The following USH1C variants were observed in gnomAD, a reference collection of about 807,000 sequenced individuals.
USH1C encodes harmonin.
In USH1C, 90 loss-of-function variants were observed where a neutral mutation model predicts 119.3. The ratio of observed to expected loss-of-function variants is 0.75; its 90% CI spans 0.64 to 0.90. The LOEUF is 0.90. Among genes scored for constraint, USH1C ranks in the 40% least tolerant of loss-of-function variants. The pLI is 0.00. For synonymous variants in USH1C, 465 were observed against 443.3 expected (o/e 1.05, Z -0.62); for missense variants, 1,165 against 1,167.7 (o/e 1.00, Z 0.03).
In USH1C at chr11:17,531,414, G is replaced by A. The variant is rs759581780; in HGVS notation, c.233C>T (p.Thr78Ile). Reference sequence around the variant, plus strand: ...TCCTCTGCACCTGGAGCGCCGGGGGGTCAGCTGATCATATTCCACCTGGTG... The same window carrying A: ...TCCTCTGCACCTGGAGCGCCGGGGGATCAGCTGATCATATTCCACCTGGTG... The part of the protein sequence containing the change: ...LKHQVEYDQL[T>I]PRRSRKLKEV... The change falls in exon 3 of 27, where the codon ACC becomes ATC. Residue 78 changes from threonine (T) to isoleucine (I), a missense_variant. Physicochemically the swap from Thr to Ile is moderately conservative, Grantham distance 89. Transcript: ENST00000005226. This position sits in a 1 kb window ranked among gnomAD's most constrained non-coding sequence, Gnocchi z 4.2. 2.5e-6 allele frequency: 4 copies of A among 1,613,922 alleles called. No homozygotes were observed. The South Asian group carries it at 3.3e-5, about 13-fold the overall frequency.
intron 25 of USH1C, 116 bp from the exon 26 acceptor site, chr11:17,495,793 G>A: frequency 8.7e-7 from 1 of 1,146,768 alleles, no homozygotes; most frequent in Non-Finnish European, 1.3e-6. Context: ...TAGCCCCTGG[G>A]TTCCAGAATT....
chr11:17,544,197 CG>C (rs1214111182), intron 1 of USH1C, 74 bp downstream of exon 1: 1 of 1,583,732 alleles, frequency 6.3e-7, no homozygotes, highest in African/African-American at 1.3e-5. Context: ...GGGGCAGTGC[CG>C]GGGTGTCCAC....
chr11:17,517,322 G>T, intron 14 of USH1C: 1 of 1,421,576 alleles, frequency 7.0e-7, no homozygotes, highest in Non-Finnish European at 9.7e-7. Flanking sequence ...CTGAAGCTGG[G>T]TGTCTGCACT....
chr11:17,511,868 G>A (rs1203886736), intron 16 of USH1C, 34 bp downstream of exon 16: 3 of 1,601,164 alleles, frequency 1.9e-6, no homozygotes, highest in African/African-American at 2.7e-5. Flanking sequence ...TGTGTCCCAG[G>A]GTTGCTTGCC....
chr11:17,496,826 G>A lies in USH1C; in HGVS notation c.2491-13C>T. ...GGTCGATCCAGTCCTGTGGGGAGAA[G>A]CCGTGTGACTCTGGGGCACACTCAG... On this transcript the variant is annotated splice_polypyrimidine_tract_variant and intron_variant, in intron 24 of 26. Transcript: ENST00000005226. 6.2e-7 allele frequency: 1 copy of A among 1,614,118 alleles called. No homozygotes were observed. Among genetic ancestry groups the A allele is most frequent in the Non-Finnish European group, 8.5e-7 (1 of 1,179,948 alleles).
intron 18 of USH1C, 151 bp downstream of exon 18, chr11:17,509,205 A>G: frequency 9.1e-7 from 1 of 1,103,864 alleles, no homozygotes; most frequent in African/African-American, 1.6e-5. Flanking sequence ...CAGGATGTCC[A>G]CACATGCACA....
chr11:17,504,603 G>C (rs748807658), intron 20 of USH1C, 44 bp downstream of exon 20: 6 of 1,605,206 alleles, frequency 3.7e-6, no homozygotes, highest in Non-Finnish European at 4.3e-6. Flanking sequence ...GGAGGGACGG[G>C]GGTGGTGGGG....
At chr11:17,530,564 A>G (rs1850916964) in intron 4 of USH1C, among the ~76,000 whole-genome samples, 1 of 152,250 alleles carries the variant, frequency 6.6e-6, no homozygotes, top group Non-Finnish European at 1.5e-5. Context: ...GGCTCACAGC[A>G]TTTGTATGCC....
intron 4 of USH1C, among the ~76,000 whole-genome samples, chr11:17,530,573 C>T (rs1230412695): frequency 6.6e-6 from 1 of 152,214 alleles, no homozygotes; most frequent in Admixed American, 6.5e-5. Flanking sequence ...CATTTGTATG[C>T]CAGGCCCTGC....
At chr11:17,532,558 T>G (rs1001834233) in intron 2 of USH1C, among the ~76,000 whole-genome samples, 2 of 152,136 alleles carry the variant, frequency 1.3e-5, no homozygotes, top group African/African-American at 4.8e-5. Flanking sequence ...CCTCAGCTTC[T>G]CAAAGTTCTG....
intron 20 of USH1C, 128 bp from the exon 21 acceptor site, chr11:17,502,108 C>T: frequency 1.1e-6 from 1 of 926,846 alleles, no homozygotes; most frequent in Non-Finnish European, 1.6e-6. Flanking sequence ...GAAGGCACGG[C>T]CAGGGTACGG....
At chr11:17,520,455 T>G (rs946928637) in intron 14 of USH1C, among the ~76,000 whole-genome samples, 1 of 152,130 alleles carries the variant, frequency 6.6e-6, no homozygotes, top group African/African-American at 2.4e-5. Context: ...AGAGCCCTTC[T>G]CTGATGTGAG....
chr11:17,503,071 C>G (rs933286549), intron 20 of USH1C, among the ~76,000 whole-genome samples: 1 of 152,186 alleles, frequency 6.6e-6, no homozygotes, highest in Admixed American at 6.5e-5. Flanking sequence ...GCAGACAGAT[C>G]CCCAAGCATC....
At position 17,520,908 on chromosome 11, in the gene USH1C, G is replaced by T; in HGVS notation, c.1172C>A (p.Thr391Asn). Residue 391 changes from threonine (T) to asparagine (N), a missense_variant, in exon 14 of 27, where the codon ACT becomes AAT. Physicochemically the swap from Thr to Asn is moderately conservative, Grantham distance 65 (BLOSUM62 0). Transcript: ENST00000005226. ...AAGGGGTACTGGGTGTACCTCAGCAGTGATGGTTTTAGGCAAGAGTAGCTG... is the reference window on the plus strand; with the variant it reads ...AAGGGGTACTGGGTGTACCTCAGCATTGATGGTTTTAGGCAAGAGTAGCTG... ...KEQLLLPKTI[T>N]AEVHPVPLRK... is the part of the protein sequence containing the mutation. 1 of 1,614,168 alleles carries T rather than the reference G, an allele frequency of 6.2e-7. No homozygotes were observed. Among genetic ancestry groups the T allele is most frequent in the East Asian group, 2.2e-5 (1 of 44,874 alleles).
chr11:17,530,187 A>T (rs2133913394), intron 4 of USH1C, among the ~76,000 whole-genome samples: 1 of 152,288 alleles, frequency 6.6e-6, no homozygotes, highest in Admixed American at 6.5e-5. Context: ...TGGGATGTTG[A>T]TAACAAACCC....
Position 17,509,639 on chromosome 11 carries a change from G to C in USH1C, c.1730C>G (p.Pro577Arg). The stretch of plus-strand genomic sequence containing the variant: ...AGATAAGGGAAGGACAGGGGGCGCC[G>C]GGACCTTGTGGGGTGGGTTGGAGGG... ...PPPSNPPHKV[P>R]APPVLPLSGH... The change falls in exon 18 of 27, where the codon CCG (proline) becomes CGG (arginine). Residue 577 changes from proline to arginine, a missense_variant. Physicochemically the swap from Pro to Arg is moderately radical, Grantham distance 103. Transcript: ENST00000005226. 1 of 1,592,322 alleles carries C rather than the reference G, an allele frequency of 6.3e-7. No homozygotes were observed. Among genetic ancestry groups the C allele is most frequent in the Non-Finnish European group, 8.5e-7 (1 of 1,174,364 alleles).
rs531532163 is a variant in USH1C at position 17,502,641 on chromosome 11, G to C, written c.2185-661C>G. 2.0e-5 allele frequency among the ~76,000 whole-genome samples: 3 copies of C among 152,368 alleles called. No individual in the cohort carries two copies. In the East Asian group the frequency reaches 5.8e-4, roughly 29 times the overall value. On this transcript the variant is annotated intron_variant, in intron 20 of 26. Coordinates refer to ENST00000005226, the MANE Select transcript of USH1C (RefSeq NM_153676.4). Reference sequence around the variant, plus strand: ...GCCCTTTAGCTAGGGGAGAAGGGAGGACACACAGCTCAGGGGACCTGGCTT... The same window carrying C: ...GCCCTTTAGCTAGGGGAGAAGGGAGCACACACAGCTCAGGGGACCTGGCTT...
At chr11:17,527,802 G>A (rs935858916) in intron 4 of USH1C, among the ~76,000 whole-genome samples, 1 of 152,150 alleles carries the variant, frequency 6.6e-6, no homozygotes. Context: ...TAACTGAGTC[G>A]GGGTGGGGAC....
At chr11:17,500,830 T>C (rs1389177350) in intron 23 of USH1C, among the ~76,000 whole-genome samples, 5 of 152,184 alleles carry the variant, frequency 3.3e-5, no homozygotes, top group Non-Finnish European at 7.4e-5. Flanking sequence ...GGGGACCCCC[T>C]GAGGGCACGG....
Sources: allele counts gnomAD v4.1 joint callset (sites outside exome capture counted in the v4.1 genomes callset), GRCh38; gene constraint gnomAD v4.1.1; non-coding constraint Gnocchi (gnomAD v3.1); transcripts MANE v1.5; gene names NCBI Gene and HGNC (gene_info 2026-07-23, HGNC 2026-07-21).